SATB1: variants seen among roughly 807,000 people sequenced by gnomAD.
SATB1 encodes SATB homeobox 1.
A neutral mutation model predicts 86.9 loss-of-function variants in SATB1; 11 were observed. The observed-to-expected ratio is 0.13, with a 90% CI of 0.08 to 0.21. SATB1 has a LOEUF of 0.21. SATB1 is among the 10% of genes least tolerant of loss of function. The probability of loss-of-function intolerance (pLI) is 1.00; values close to 1 mark genes in which losing one functional copy is unlikely to be tolerated. For synonymous variants in SATB1, 357 were observed against 357.2 expected (o/e 1.00, Z 0.01); for missense variants, 551 against 937.6 (o/e 0.59, Z 5.39).
chr3:18,410,004 T>C (rs1169706231), intron 5 of SATB1, among the ~76,000 whole-genome samples: 3 of 151,984 alleles, frequency 2.0e-5, no homozygotes, highest in Non-Finnish European at 4.4e-5. Context: ...GTCTTGAGAA[T>C]ATGAAAGAAT....
intron 5 of SATB1, among the ~76,000 whole-genome samples, chr3:18,399,164 G>A (rs776387645): frequency 6.6e-6 from 1 of 152,138 alleles, no homozygotes; most frequent in South Asian, 2.1e-4. Context: ...GAAGTGTATG[G>A]AATATCCAAA....
rs765814395 is a variant in SATB1, at chr3:18,378,253, T to C, written c.1492A>G (p.Ile498Val). Reference sequence around the variant, plus strand: ...ATTTCCTGCTGAATCTCATCATAAATGGAAGCATTAATGTTCATGGTATTG... The same window carrying C: ...ATTTCCTGCTGAATCTCATCATAAACGGAAGCATTAATGTTCATGGTATTG... ...ENNTMNINASIYDEIQQEMKR... is the reference protein window; with the variant it reads ...ENNTMNINASVYDEIQQEMKR... The change falls in exon 9 of 11, where the codon ATT becomes GTT. Residue 498 changes from isoleucine (I) to valine (V), a missense_variant. Around this residue, in one of 8 missense-constraint regions of SATB1, gnomAD observed 110 missense variants for 212.2 expected, o/e 0.52. Transcript: ENST00000338745. The C allele has an allele frequency of 1.9e-6, 3 of 1,610,806 alleles. No individual in the cohort carries two copies. The Admixed American group carries it at 5.0e-5, about 27-fold the overall frequency.
At chr3:18,351,190 G>A (rs749470152) in intron 10 of SATB1, 8 of 766,004 alleles carry the variant, frequency 1.0e-5, no homozygotes, top group Non-Finnish European at 1.8e-5. Context: ...GGCACAGTGA[G>A]CTCTGCCCAA....
chr3:18,417,710 T>C (rs1698191629), intron 2 of SATB1: 2 of 695,558 alleles, frequency 2.9e-6, no homozygotes, highest in Admixed American at 2.0e-5. Flanking sequence ...CTGCATAATG[T>C]AGAAAAATAA....
intron 9 of SATB1, among the ~76,000 whole-genome samples, chr3:18,357,541 ATTTTTTTT>A (rs10539857): frequency 8.1e-5 from 11 of 135,564 alleles, no homozygotes; most frequent in African/African-American, 2.4e-4. Flanking sequence ...ATAGAGGGCA[ATTTTTTTT>A]TTTTTTTTTT....
chr3:18,430,381 T>A (rs1173070880), intron 2 of SATB1, among the ~76,000 whole-genome samples: 1 of 152,216 alleles, frequency 6.6e-6, no homozygotes. Flanking sequence ...TAAATACAAA[T>A]TTAAGAACTT....
intron 9 of SATB1, among the ~76,000 whole-genome samples, chr3:18,373,008 C>T (rs1175278325): frequency 6.6e-6 from 1 of 152,182 alleles, no homozygotes; most frequent in African/African-American, 2.4e-5. Context: ...GACTGTCTTA[C>T]TTGTCTTCTT....
At chr3:18,379,831 G>A (rs114640854) in intron 8 of SATB1, among the ~76,000 whole-genome samples, 1,769 of 152,294 alleles carry the variant, frequency 0.012, 31 homozygotes, top group African/African-American at 0.041. Flanking sequence ...GGACACAGCA[G>A]GTAAGGCAGG....
At chr3:18,438,992 A>G (rs1365126722), upstream of SATB1, among the ~76,000 whole-genome samples, 1 of 152,240 alleles carries the variant, frequency 6.6e-6, no homozygotes, top group Non-Finnish European at 1.5e-5. Context: ...AGCAGGCTCT[A>G]AAATGAGTGA....
At chr3:18,401,764 C>A (rs1383618043) in intron 5 of SATB1, among the ~76,000 whole-genome samples, 1 of 152,066 alleles carries the variant, frequency 6.6e-6, no homozygotes, top group Admixed American at 6.6e-5. Context: ...ATCCTAGGAG[C>A]CAAGTTGTAA....
At chr3:18,415,460 A>G (rs1424923523) in intron 4 of SATB1, among the ~76,000 whole-genome samples, 1 of 152,078 alleles carries the variant, frequency 6.6e-6, no homozygotes, top group Non-Finnish European at 1.5e-5. Flanking sequence ...TTTTCATGTT[A>G]CTTCTACCTT....
At chr3:18,389,816 T>C (rs890538496) in intron 7 of SATB1, among the ~76,000 whole-genome samples, 7 of 152,140 alleles carry the variant, frequency 4.6e-5, no homozygotes, top group African/African-American at 1.4e-4. Flanking sequence ...TTGTATGTTA[T>C]GTAGGAAGTT....
intron 9 of SATB1, among the ~76,000 whole-genome samples, chr3:18,360,088 CAG>C (rs1324041077): frequency 6.6e-6 from 1 of 151,972 alleles, no homozygotes; most frequent in Non-Finnish European, 1.5e-5. Flanking sequence ...CAATGATGAC[CAG>C]AGTTTTCAAG....
intron 9 of SATB1, among the ~76,000 whole-genome samples, chr3:18,357,356 A>C (rs2125138030): frequency 6.6e-6 from 1 of 152,038 alleles, no homozygotes; most frequent in East Asian, 1.9e-4. Flanking sequence ...TCTAACAAAA[A>C]ATTCAGTATT....
Position 18,416,915 on chromosome 3 carries a change from A to T in SATB1, c.375T>A (p.Ala125=). Residue 125 remains alanine, a synonymous_variant, in exon 3 of 11, where the codon GCT becomes GCA. Coordinates refer to ENST00000338745, the MANE Select transcript of SATB1 (RefSeq NM_002971.6). ...LLSLGYSHSS[A]AQAKGLIQVG... ...CACATTATTTACCTTTGGCCTGGGC[A>T]GCAGAGCTATGTGAATAACCTAGAG... The T allele has an allele frequency of 6.2e-7, 1 of 1,610,252 alleles. No homozygotes were observed. The highest frequency in any genetic ancestry group is 8.5e-7 in the Non-Finnish European group (1 of 1,178,386).
intron 4 of SATB1, 61 bp downstream of exon 4, chr3:18,415,946 C>T (rs1283843668): frequency 2.1e-6 from 3 of 1,462,374 alleles, no homozygotes; most frequent in African/African-American, 1.4e-5. Context: ...GAGAGAAATG[C>T]TTCATTTCAA....
In SATB1 at chr3:18,345,876, TG is replaced by T. The variant is rs1368927434; in HGVS notation, c.*3293del. On this transcript the variant is annotated 3_prime_UTR_variant, in exon 11 of 11. Transcript: ENST00000338745. ...TTAATATCAGCCAGATGCTAACAAT[TG>T]GGAATAGGGCAGAATTTAATAATGG... The T allele has an allele frequency of 6.6e-6, 1 of 152,100 alleles. No individual in the cohort carries two copies. The highest frequency in any genetic ancestry group is 1.5e-5 in the Non-Finnish European group (1 of 67,978). The allele number at this position is 152,100 out of a possible 1,614,324, so 9.4% of individuals were successfully genotyped here. A position where few individuals can be genotyped will look rare whatever the true frequency, so the allele number is the denominator to read the frequency against.
In SATB1 at chr3:18,443,983, G is replaced by T. The variant is rs1016716586; in HGVS notation, c.-25+1535C>A. Among the ~76,000 whole-genome samples, 5 of 152,166 alleles carry T rather than the reference G, an allele frequency of 3.3e-5. No individual in the cohort carries two copies. Among genetic ancestry groups the T allele is most frequent in the African/African-American group, 1.2e-4 (5 of 41,448 alleles). On this transcript the variant is annotated intron_variant, in intron 1 of 3. Transcript: ENST00000415069. The surrounding 1 kb of genome is among the most constrained non-coding windows in gnomAD (Gnocchi z 4.4). Reference sequence around the variant, plus strand: ...CGGGCTCCAACTTGAGCGCCCCGGCGCCCGAGTAGCTCCCGGGATGCAGAA... The same window carrying T: ...CGGGCTCCAACTTGAGCGCCCCGGCTCCCGAGTAGCTCCCGGGATGCAGAA...
chr3:18,422,380 G>C (rs1698437558), intron 1 of SATB1, among the ~76,000 whole-genome samples: 1 of 152,178 alleles, frequency 6.6e-6, no homozygotes, highest in African/African-American at 2.4e-5. Flanking sequence ...TAATCTGGAA[G>C]TTTAAAAGCA....
Sources: allele counts gnomAD v4.1 joint callset (sites outside exome capture counted in the v4.1 genomes callset), GRCh38; gene constraint gnomAD v4.1.1; regional missense constraint gnomAD v4.1.1; non-coding constraint Gnocchi (gnomAD v3.1); transcripts MANE v1.5; gene names NCBI Gene and HGNC (gene_info 2026-07-23, HGNC 2026-07-21).